ATP8A2: variants seen among roughly 807,000 people sequenced by gnomAD.
ATP8A2 encodes the protein ATPase phospholipid transporting 8A2.
Under a neutral mutation model 165.6 loss-of-function variants are expected in ATP8A2, and 100 were observed. The ratio of observed to expected loss-of-function variants is 0.60; its 90% confidence interval spans 0.51 to 0.71. The LOEUF (loss-of-function observed/expected upper bound fraction) is 0.71, where lower values mean the gene tolerates loss of function less well. Among genes scored for constraint, ATP8A2 ranks in the 30% least tolerant of loss-of-function variants. The pLI is 0.00. For synonymous variants in ATP8A2, 543 were observed against 548.8 expected (o/e 0.99, Z 0.15); for missense variants, 1,227 against 1,479.5 (o/e 0.83, Z 2.80).
rs1195157176 is a variant in ATP8A2 at position 25,531,163 on chromosome 13, ATATGT to A, written c.420+507_420+511del. 3.2e-3 allele frequency among the ~76,000 whole-genome samples: 383 copies of A among 118,228 alleles called. 4 individuals carry two copies. The highest frequency in any genetic ancestry group is 9.8e-3 in the African/African-American group (305 of 31,186). The allele number at this position is 118,228 out of a possible 152,430, so 77.6% of individuals were successfully genotyped here. A position where few individuals can be genotyped will look rare whatever the true frequency, so the allele number is the denominator to read the frequency against. On this transcript the variant is annotated intron_variant, in intron 4 of 36. Transcript: ENST00000381655. The stretch of plus-strand genomic sequence containing the variant: ...TATATATATGTTATATATATGATAT[ATATGT>A]TATATGATATATATATGTTATATAT...
At chr13:25,469,317 C>G (rs1013607343) in intron 2 of ATP8A2, among the ~76,000 whole-genome samples, 196 bp downstream of exon 2, 2 of 152,096 alleles carry the variant, frequency 1.3e-5, no homozygotes, top group African/African-American at 4.8e-5. Context: ...GAATGCAGCC[C>G]TCACCGTTCT....
At chr13:25,570,951 C>T (rs1403790783) in intron 17 of ATP8A2, 79 bp downstream of exon 17, 6 of 1,021,878 alleles carry the variant, frequency 5.9e-6, no homozygotes, top group Non-Finnish European at 8.7e-6. Context: ...GGAGGTGTTG[C>T]CATGTAGTCC....
At chr13:25,862,215 A>G (rs1248440350) in intron 32 of ATP8A2, 86 bp from the exon 33 acceptor site, 2 of 872,758 alleles carry the variant, frequency 2.3e-6, no homozygotes, top group Non-Finnish European at 3.8e-6. Context: ...GGTAGCTTGG[A>G]TGCAAGGATT....
chr13:25,435,659 T>C (rs2034737969), intron 1 of ATP8A2, among the ~76,000 whole-genome samples: 1 of 151,814 alleles, frequency 6.6e-6, no homozygotes, highest in African/African-American at 2.4e-5. Flanking sequence ...TTTTCTTTCT[T>C]TTTTTTTGCC....
At chr13:26,005,184 G>T (rs1023093092) in intron 35 of ATP8A2, among the ~76,000 whole-genome samples, 5 of 151,918 alleles carry the variant, frequency 3.3e-5, no homozygotes, top group Admixed American at 6.6e-5. Context: ...GTGATAGGTT[G>T]TAAGTGTCTA....
rs187101257 is a variant in ATP8A2 at position 25,644,802 on chromosome 13, T to C, written c.2212-54371T>C. 2.6e-4 allele frequency among the ~76,000 whole-genome samples: 40 copies of C among 152,320 alleles called. 1 individual carries two copies. The highest frequency in any genetic ancestry group is 2.4e-3 in the Admixed American group (37 of 15,282). On this transcript the variant is annotated intron_variant, in intron 24 of 36. Transcript: ENST00000381655. ...TAATAAGTTGTATATATGTAGAAAT[T>C]TATCCACTTATTCTAGGTTATCCAT...
intron 33 of ATP8A2, among the ~76,000 whole-genome samples, chr13:25,864,416 T>C (rs1593469563): frequency 1.3e-5 from 2 of 152,254 alleles, no homozygotes; most frequent in East Asian, 3.9e-4. Context: ...ATACCGACTT[T>C]CCAACTGCAG....
chr13:25,824,080 C>T (rs1411322120), intron 27 of ATP8A2, among the ~76,000 whole-genome samples: 4 of 152,094 alleles, frequency 2.6e-5, no homozygotes, highest in African/African-American at 9.7e-5. Flanking sequence ...AAGTGATTCT[C>T]CTGCCTCAGC....
chr13:25,389,554 A>G (rs2033171130), intron 1 of ATP8A2, among the ~76,000 whole-genome samples: 1 of 152,204 alleles, frequency 6.6e-6, no homozygotes, highest in African/African-American at 2.4e-5. Flanking sequence ...GTGTTGAGAA[A>G]AGTTGTGTTT....
intron 27 of ATP8A2, among the ~76,000 whole-genome samples, chr13:25,817,601 T>G (rs1951062382): frequency 6.6e-6 from 1 of 152,246 alleles, no homozygotes; most frequent in Non-Finnish European, 1.5e-5. Flanking sequence ...GTGTACCTCA[T>G]CTGCTACATT....
Position 25,892,478 on chromosome 13 carries a change from GTCTCTCTCTCTC to G in ATP8A2, c.3183+30085_3183+30096del, listed in dbSNP as rs144283908. Among the ~76,000 whole-genome samples, 9 of 136,248 alleles carry G rather than the reference GTCTCTCTCTCTC, an allele frequency of 6.6e-5. 1 individual carries two copies. The highest frequency in any genetic ancestry group is 1.2e-4 in the African/African-American group (4 of 33,864). 89.4% of individuals were successfully genotyped at this position (136,248 alleles called of 152,430 possible). A position where few individuals can be genotyped will look rare whatever the true frequency, so the allele number is the denominator to read the frequency against. Reference sequence around the variant, plus strand: ...CATTTCTCTCTCTCTCTGTCTCTCTGTCTCTCTCTCTCTCTCTCTCTCTCTCCTTCCACCTGT... The same window carrying G: ...CATTTCTCTCTCTCTCTGTCTCTCTGTCTCTCTCTCTCTCCTTCCACCTGT... On this transcript the variant is annotated intron_variant, in intron 33 of 36. Coordinates refer to ENST00000381655, the MANE Select transcript of ATP8A2 (RefSeq NM_016529.6).
At chr13:25,850,324 A>G (rs957423066) in intron 30 of ATP8A2, among the ~76,000 whole-genome samples, 1 of 152,148 alleles carries the variant, frequency 6.6e-6, no homozygotes, top group Non-Finnish European at 1.5e-5. Context: ...TTCTTTATTT[A>G]TAGAGACTTT....
intron 1 of ATP8A2, among the ~76,000 whole-genome samples, chr13:25,438,437 A>G (rs2034839264): frequency 6.6e-6 from 1 of 152,110 alleles, no homozygotes; most frequent in African/African-American, 2.4e-5. Context: ...TGAGGCCAGG[A>G]GTTTAGATGA....
At chr13:25,453,223 T>C (rs2035275974) in intron 1 of ATP8A2, among the ~76,000 whole-genome samples, 1 of 151,316 alleles carries the variant, frequency 6.6e-6, no homozygotes, top group Non-Finnish European at 1.5e-5. Flanking sequence ...ACCTCCTGGG[T>C]TCAAATGATA....
intron 33 of ATP8A2, among the ~76,000 whole-genome samples, chr13:25,949,586 A>C (rs1028869723): frequency 1.3e-5 from 2 of 152,186 alleles, no homozygotes; most frequent in African/African-American, 4.8e-5. Flanking sequence ...CCAGAGACAC[A>C]CAGGCCCCCA....
At chr13:25,413,062 C>T (rs2034017761) in intron 1 of ATP8A2, among the ~76,000 whole-genome samples, 1 of 152,052 alleles carries the variant, frequency 6.6e-6, no homozygotes, top group Non-Finnish European at 1.5e-5. Context: ...AAGTGATCCA[C>T]CCACCTCGAT....
At chr13:25,623,787 A>G (rs1285502689) in intron 24 of ATP8A2, among the ~76,000 whole-genome samples, 1 of 152,142 alleles carries the variant, frequency 6.6e-6, no homozygotes, top group Non-Finnish European at 1.5e-5. Flanking sequence ...ACATGCATAT[A>G]GAGATATATA....
intron 25 of ATP8A2, among the ~76,000 whole-genome samples, chr13:25,749,185 G>C (rs770617858): frequency 1.3e-5 from 2 of 152,208 alleles, no homozygotes; most frequent in Non-Finnish European, 2.9e-5. Flanking sequence ...GGGAGGCACT[G>C]CAGACGCTGA....
At chr13:25,886,284 G>T (rs551377203) in intron 33 of ATP8A2, among the ~76,000 whole-genome samples, 1 of 152,292 alleles carries the variant, frequency 6.6e-6, no homozygotes, top group South Asian at 2.1e-4. Context: ...GGTGATGGTG[G>T]AATAGCGTAT....
Sources: gnomAD v4.1 joint callset for allele counts (sites outside exome capture counted in the v4.1 genomes callset) on GRCh38, gnomAD v4.1.1 for gene constraint, MANE v1.5 for transcripts, NCBI Gene and HGNC (gene_info 2026-07-23, HGNC 2026-07-21) for gene names.